The following SNTG2 variants were observed in gnomAD, a reference collection of about 807,000 sequenced individuals.
The protein encoded by SNTG2 is gamma-2-syntrophin.
SNTG2 carries 74 observed loss-of-function variants against 70.9 expected under a neutral mutation model. The observed-to-expected ratio is 1.04, with a 90% CI of 0.86 to 1.27. The LOEUF (loss-of-function observed/expected upper bound fraction) is 1.27, where lower values mean the gene tolerates loss of function less well. SNTG2 is among the 50% of genes most tolerant of loss of function. The pLI, the probability that SNTG2 is intolerant of heterozygous loss-of-function variation, is 0.00. For missense variants in SNTG2, 717 were observed against 690.7 expected, an observed-to-expected ratio of 1.04 and a Z score of -0.43; for synonymous variants, 278 against 273.8, an observed-to-expected ratio of 1.02 and a Z score of -0.15.
intron 1 of SNTG2, among the ~76,000 whole-genome samples, chr2:1,012,179 C>T (rs1394489292): frequency 2.6e-5 from 4 of 152,154 alleles, no homozygotes; most frequent in East Asian, 1.9e-4. Context: ...GTGGAGAAGC[C>T]GTAACAACAC....
chr2:1,242,240 A>AT (rs1369351375), intron 11 of SNTG2, among the ~76,000 whole-genome samples: 2 of 152,134 alleles, frequency 1.3e-5, no homozygotes, highest in Admixed American at 6.5e-5. Flanking sequence ...CAGAAAGAAA[A>AT]TTTTTTTTCA....
chr2:1,113,148 G>C (rs1310401148), intron 4 of SNTG2, among the ~76,000 whole-genome samples: 1 of 137,060 alleles, frequency 7.3e-6, no homozygotes, highest in African/African-American at 2.8e-5. Flanking sequence ...GTCCTTTGAG[G>C]AGGATCGTGG....
chr2:1,119,552 G>GTTT (rs754786251), intron 4 of SNTG2, among the ~76,000 whole-genome samples: 5,766 of 140,428 alleles, frequency 0.041, 224 homozygotes, highest in South Asian at 0.19. Context: ...TTAAAGGCTC[G>GTTT]TTTTTTTTTT....
intron 1 of SNTG2, among the ~76,000 whole-genome samples, chr2:980,719 C>CACA (rs1661070853): frequency 6.6e-6 from 1 of 151,668 alleles, no homozygotes; most frequent in Admixed American, 6.6e-5. Flanking sequence ...CACACACACA[C>CACA]ATTTATATAT....
chr2:1,034,705 A>G (rs940708071), intron 1 of SNTG2, among the ~76,000 whole-genome samples: 4 of 152,208 alleles, frequency 2.6e-5, no homozygotes, highest in Non-Finnish European at 5.9e-5. Flanking sequence ...TTCTCTAATG[A>G]TCAGCAATCT....
intron 16 of SNTG2, among the ~76,000 whole-genome samples, chr2:1,350,963 T>C (rs1316918489): frequency 6.6e-6 from 1 of 152,126 alleles, no homozygotes; most frequent in Admixed American, 6.5e-5. Context: ...ATATGTTTAT[T>C]CCTACTTTTA....
chr2:1,250,943 A>G (rs1677717853), intron 12 of SNTG2, among the ~76,000 whole-genome samples: 1 of 152,206 alleles, frequency 6.6e-6, no homozygotes, highest in Non-Finnish European at 1.5e-5. Flanking sequence ...CATTCCTAGA[A>G]CATGATTGTT....
intron 1 of SNTG2, among the ~76,000 whole-genome samples, chr2:1,008,755 T>C: frequency 6.6e-6 from 1 of 152,192 alleles, no homozygotes; most frequent in East Asian, 1.9e-4. Flanking sequence ...TGGATAGTAA[T>C]TAGTATTTTT....
chr2:1,141,260 A>G (rs1668731545), intron 6 of SNTG2, among the ~76,000 whole-genome samples: 1 of 152,192 alleles, frequency 6.6e-6, no homozygotes, highest in African/African-American at 2.4e-5. Flanking sequence ...GTTAATACTG[A>G]AACAGGACGT....
At chr2:1,334,346 G>A (rs1227834355) in intron 16 of SNTG2, among the ~76,000 whole-genome samples, 3 of 152,208 alleles carry the variant, frequency 2.0e-5, no homozygotes, top group Non-Finnish European at 1.5e-5. Context: ...CTGCTGGTGG[G>A]AATGTAAACT....
chr2:1,337,565 A>C (rs1181498165), intron 16 of SNTG2, among the ~76,000 whole-genome samples: 1 of 152,016 alleles, frequency 6.6e-6, no homozygotes, highest in African/African-American at 2.4e-5. Context: ...GATTTATAAG[A>C]GTTCTTAAAT....
intron 1 of SNTG2, among the ~76,000 whole-genome samples, chr2:1,073,695 A>T (rs948433523): frequency 6.6e-6 from 1 of 152,226 alleles, no homozygotes; most frequent in African/African-American, 2.4e-5. Context: ...TAATAACATT[A>T]TATCCAATGT....
chr2:1,314,908 A>G (rs1681200455), intron 15 of SNTG2, among the ~76,000 whole-genome samples: 1 of 152,172 alleles, frequency 6.6e-6, no homozygotes, highest in African/African-American at 2.4e-5. Context: ...TGTCACGAGA[A>G]CAGCATGGGA....
At chr2:1,361,777 T>C (rs1467353772) in intron 16 of SNTG2, among the ~76,000 whole-genome samples, 34 of 145,742 alleles carry the variant, frequency 2.3e-4, no homozygotes, top group African/African-American at 5.1e-4. Flanking sequence ...AGCATTTCAG[T>C]AGAACTTCCA....
chr2:1,175,288 A>G (rs960644527), intron 8 of SNTG2, among the ~76,000 whole-genome samples: 2 of 152,202 alleles, frequency 1.3e-5, no homozygotes, highest in African/African-American at 4.8e-5. Context: ...CCTCTGTTGT[A>G]TTCTATTGGT....
At chr2:1,334,414 G>T (rs1310075397) in intron 16 of SNTG2, among the ~76,000 whole-genome samples, 1 of 152,134 alleles carries the variant, frequency 6.6e-6, no homozygotes, top group Admixed American at 6.6e-5. Context: ...AAGTAGGACT[G>T]CCATTTGATC....
intron 16 of SNTG2, among the ~76,000 whole-genome samples, chr2:1,359,339 G>T (rs777395684): frequency 2.4e-4 from 36 of 152,146 alleles, no homozygotes; most frequent in Non-Finnish European, 4.1e-4. Context: ...CAGATTTTTT[G>T]ATTAGGGATG....
At chr2:1,251,663 GCACACACCACA>G (rs1677777515) in intron 12 of SNTG2, among the ~76,000 whole-genome samples, 1 of 134,266 alleles carries the variant, frequency 7.4e-6, no homozygotes, top group South Asian at 2.4e-4. Flanking sequence ...CACCACACAT[GCACACACCACA>G]CACACATCAC....
intron 12 of SNTG2, among the ~76,000 whole-genome samples, chr2:1,251,425 C>G (rs1677748834): frequency 6.8e-6 from 1 of 147,924 alleles, no homozygotes; most frequent in South Asian, 2.2e-4. Flanking sequence ...CACACATGCA[C>G]ACACCACACA....
Sources: allele counts gnomAD v4.1 joint callset (sites outside exome capture counted in the v4.1 genomes callset), GRCh38; gene constraint gnomAD v4.1.1; transcripts MANE v1.5; gene names NCBI Gene and HGNC (gene_info 2026-07-23, HGNC 2026-07-21).